Variants in POU6F2 observed in about 807,000 individuals in gnomAD.
POU6F2 encodes the protein POU domain, class 6, transcription factor 2.
In POU6F2, 31 loss-of-function variants were observed where a neutral mutation model predicts 71.3. The ratio of observed to expected loss-of-function variants is 0.43; its 90% CI spans 0.33 to 0.59. The LOEUF (loss-of-function observed/expected upper bound fraction) is 0.59. POU6F2 is among the 20% of genes least tolerant of loss of function. The probability of loss-of-function intolerance (pLI) is 0.04; values close to 1 mark genes in which losing one functional copy is unlikely to be tolerated. For missense variants in POU6F2, 783 were observed against 856.8 expected, an observed-to-expected ratio of 0.91 and a Z score of 1.07; for synonymous variants, 347 against 355.7, an observed-to-expected ratio of 0.98 and a Z score of 0.27.
intron 1 of POU6F2, among the ~76,000 whole-genome samples, chr7:39,044,342 T>G (rs1008216629): frequency 5.3e-5 from 8 of 151,982 alleles, no homozygotes; most frequent in African/African-American, 1.9e-4. Context: ...TCAAGATTTG[T>G]TGTGCATAAG....
At chr7:39,439,519 C>T (rs564128929) in intron 7 of POU6F2, among the ~76,000 whole-genome samples, 10 of 152,184 alleles carry the variant, frequency 6.6e-5, no homozygotes, top group Non-Finnish European at 1.0e-4. Context: ...AACAGATTTT[C>T]GCTCTTGTCA....
chr7:39,366,977 AG>A (rs1337614764), intron 5 of POU6F2, among the ~76,000 whole-genome samples: 1 of 151,870 alleles, frequency 6.6e-6, no homozygotes, highest in Non-Finnish European at 1.5e-5. Flanking sequence ...AGGAGAGAGG[AG>A]GGGTGAGTTT....
intron 6 of POU6F2, among the ~76,000 whole-genome samples, chr7:39,426,011 C>A (rs1239407239): frequency 6.6e-6 from 1 of 152,160 alleles, no homozygotes; most frequent in East Asian, 1.9e-4. Context: ...TGACAACAGT[C>A]CCAGCTGCAA....
At chr7:39,056,979 C>T (rs1040842012) in intron 1 of POU6F2, among the ~76,000 whole-genome samples, 5 of 152,090 alleles carry the variant, frequency 3.3e-5, no homozygotes, top group Non-Finnish European at 7.4e-5. Context: ...ATTCATTTCT[C>T]TATGAGCTGC....
intron 4 of POU6F2, among the ~76,000 whole-genome samples, chr7:39,284,723 A>C (rs955579180): frequency 6.6e-6 from 1 of 152,180 alleles, no homozygotes. Context: ...TTAAAATCAT[A>C]GCAGGTTTGG....
intron 2 of POU6F2, among the ~76,000 whole-genome samples, chr7:39,127,638 G>T (rs1042975737): frequency 6.6e-6 from 1 of 152,050 alleles, no homozygotes; most frequent in Non-Finnish European, 1.5e-5. Context: ...ATTAGCGGGG[G>T]CTGACAAGGT....
intron 5 of POU6F2, among the ~76,000 whole-genome samples, chr7:39,396,718 C>A (rs1326086587): frequency 6.6e-6 from 1 of 152,150 alleles, no homozygotes; most frequent in African/African-American, 2.4e-5. Flanking sequence ...CAGCGCCTGG[C>A]CTCAAAGCAG....
At chr7:39,438,342 A>T (rs1481857601) in intron 7 of POU6F2, among the ~76,000 whole-genome samples, 1 of 152,162 alleles carries the variant, frequency 6.6e-6, no homozygotes, top group Non-Finnish European at 1.5e-5. Context: ...AATCCAGTCT[A>T]TCATTGATGG....
chr7:39,406,724 C>G lies in POU6F2; in HGVS notation c.1097C>G (p.Thr366Ser), dbSNP rs200602029. The G allele has an allele frequency of 1.9e-6, 3 of 1,613,672 alleles. No homozygotes were observed. Among genetic ancestry groups the G allele is most frequent in the South Asian group, 1.1e-5 (1 of 91,084 alleles). ...SLQGVTGQLVTNAQGQIIGTI... is the reference protein window; with the variant it reads ...SLQGVTGQLVSNAQGQIIGTI... ...CAGGGGGTCACAGGTCAACTAGTTA[C>G]TAATGCACAAGGACAGGTGAGTGGG... is the stretch of plus-strand genomic sequence containing the variant. The change falls in exon 6 of 10, where the codon ACT becomes AGT. Residue 366 changes from threonine to serine, a missense_variant. Thr to Ser is a moderately conservative substitution (Grantham distance 58). Around this residue, in one of 2 missense-constraint regions of POU6F2, gnomAD observed 572 missense variants for 572.9 expected, o/e 1.00. Transcript: ENST00000518318.
intron 5 of POU6F2, among the ~76,000 whole-genome samples, chr7:39,383,438 T>C (rs1009099073): frequency 7.9e-5 from 12 of 152,158 alleles, no homozygotes; most frequent in African/African-American, 2.9e-4. Context: ...TTCTGCAATA[T>C]TTTAGTTTAT....
At chr7:39,041,208 C>T (rs1366574549) in intron 1 of POU6F2, among the ~76,000 whole-genome samples, 2 of 151,874 alleles carry the variant, frequency 1.3e-5, no homozygotes, top group African/African-American at 2.4e-5. Context: ...TTTATGGTTG[C>T]GTGATCTTCT....
intron 2 of POU6F2, among the ~76,000 whole-genome samples, chr7:39,096,439 C>T (rs1791455605): frequency 6.6e-6 from 1 of 152,148 alleles, no homozygotes; most frequent in Non-Finnish European, 1.5e-5. Context: ...TTATATTCAA[C>T]ATCTAAAGGC....
intron 6 of POU6F2, among the ~76,000 whole-genome samples, chr7:39,407,491 G>A (rs1054619569): frequency 6.6e-6 from 1 of 150,534 alleles, no homozygotes; most frequent in Non-Finnish European, 1.5e-5. Flanking sequence ...TGCATAAAAA[G>A]CAAACGAGAT....
At chr7:39,368,903 CT>C (rs1231556806) in intron 5 of POU6F2, among the ~76,000 whole-genome samples, 1 of 152,066 alleles carries the variant, frequency 6.6e-6, no homozygotes, top group Non-Finnish European at 1.5e-5. Flanking sequence ...TCATGAATGA[CT>C]TTGTGGGGTT....
chr7:39,116,333 C>T (rs911915292), intron 2 of POU6F2, among the ~76,000 whole-genome samples: 3 of 152,042 alleles, frequency 2.0e-5, no homozygotes, highest in African/African-American at 4.8e-5. Context: ...TGCAGTAAGC[C>T]GTGATCATGC....
chr7:39,257,170 C>A (rs966558647), intron 4 of POU6F2, among the ~76,000 whole-genome samples: 1 of 152,138 alleles, frequency 6.6e-6, no homozygotes, highest in Non-Finnish European at 1.5e-5. Context: ...AGTGCAGATA[C>A]AAAGGAGCAT....
chr7:39,219,936 A>G (rs973561201), intron 4 of POU6F2, among the ~76,000 whole-genome samples: 1 of 152,232 alleles, frequency 6.6e-6, no homozygotes, highest in African/African-American at 2.4e-5. Flanking sequence ...AGAAAGTTGC[A>G]TTAAATAAAT....
intron 7 of POU6F2, among the ~76,000 whole-genome samples, chr7:39,442,896 T>A (rs1788437198): frequency 6.6e-6 from 1 of 152,198 alleles, no homozygotes; most frequent in Non-Finnish European, 1.5e-5. Flanking sequence ...GTGTGGGTGA[T>A]AGACTACAGC....
At chr7:39,424,884 A>G (rs1787933170) in intron 6 of POU6F2, among the ~76,000 whole-genome samples, 1 of 151,954 alleles carries the variant, frequency 6.6e-6, no homozygotes, top group South Asian at 2.1e-4. Flanking sequence ...CAGTTGTAGT[A>G]TTATTGTAGT....
Sources: gnomAD v4.1 joint callset for allele counts (sites outside exome capture counted in the v4.1 genomes callset) on GRCh38, gnomAD v4.1.1 for gene constraint, gnomAD v4.1.1 regional missense constraint, MANE v1.5 for transcripts, NCBI Gene and HGNC (gene_info 2026-07-23, HGNC 2026-07-21) for gene names.